The following CFAP47 variants were observed in gnomAD, a reference collection of about 807,000 sequenced individuals.
CFAP47 encodes the protein cilia and flagella associated protein 47, also known as cilia- and flagella-associated protein 47.
In CFAP47, 29 loss-of-function variants were observed where a neutral mutation model predicts 148.1. That is an observed-to-expected ratio of 0.20 (90% CI 0.15 to 0.27). CFAP47 has a LOEUF of 0.27. CFAP47 is among the 10% of genes least tolerant of loss of function. The probability of loss-of-function intolerance (pLI) is 1.00; values close to 1 mark genes in which losing one functional copy is unlikely to be tolerated. For missense variants in CFAP47, 1,872 were observed against 1,697.5 expected, an observed-to-expected ratio of 1.10 and a Z score of -1.81; for synonymous variants, 664 against 577.3, an observed-to-expected ratio of 1.15 and a Z score of -2.15.
intron 62 of CFAP47, among the ~76,000 whole-genome samples, chrX:36,371,405 G>A (rs149750650): frequency 9.2e-6 from 1 of 108,361 alleles, no homozygotes. Context: ...AGTCATTTGG[G>A]ATCATGCTAC....
intron 5 of CFAP47, 103 bp from the exon 6 acceptor site, chrX:35,951,700 C>G (rs1009704481): frequency 2.4e-6 from 2 of 847,929 alleles, no homozygotes; most frequent in African/African-American, 4.2e-5. Context: ...TAGATATTTG[C>G]TATTTCCTAG....
chrX:36,240,425 A>G (rs1940527824), intron 48 of CFAP47, among the ~76,000 whole-genome samples: 1 of 92,864 alleles, frequency 1.1e-5, no homozygotes, highest in Non-Finnish European at 2.3e-5. Flanking sequence ...TAAATATATC[A>G]TATAAATATA....
chrX:36,250,894 C>A (rs972737361), intron 48 of CFAP47, among the ~76,000 whole-genome samples: 1 of 110,441 alleles, frequency 9.1e-6, no homozygotes, highest in East Asian at 2.8e-4. Flanking sequence ...TGGGTTTAGC[C>A]AGGGTGTGGT....
intron 45 of CFAP47, among the ~76,000 whole-genome samples, chrX:36,223,789 A>G (rs1229167431): frequency 9.0e-6 from 1 of 111,450 alleles, no homozygotes; most frequent in Non-Finnish European, 1.9e-5. Flanking sequence ...TGTTAATTCA[A>G]TTTTAAATAT....
At position 36,340,250 on chromosome X, in the gene CFAP47, T is replaced by C. The variant is rs909487544; in HGVS notation, c.8444-7879T>C. ...GAGCAACCAAATGGCAGTCAGATGA[T>C]GTTTTTCTATCTGCTCTATGTTTTG... On this transcript the variant is annotated intron_variant, in intron 57 of 63. Coordinates refer to ENST00000378653, the MANE Select transcript of CFAP47 (RefSeq NM_001304548.2). Among the ~76,000 whole-genome samples, 8 of 111,875 alleles carry C rather than the reference T, an allele frequency of 7.2e-5. No individual in the cohort carries two copies. In the Admixed American group the frequency reaches 7.6e-4, roughly 11 times the overall value.
At chrX:36,047,654 T>C (rs1254674945) in intron 26 of CFAP47, among the ~76,000 whole-genome samples, 1 of 111,618 alleles carries the variant, frequency 9.0e-6, no homozygotes, top group African/African-American at 3.3e-5. Context: ...TGTAGAGCTA[T>C]AAAGTTTGTT....
intron 19 of CFAP47, among the ~76,000 whole-genome samples, chrX:35,999,899 G>A: frequency 8.9e-6 from 1 of 112,059 alleles, no homozygotes; most frequent in South Asian, 3.7e-4. Context: ...ACATGGTCCT[G>A]TAGATTGTGA....
At position 36,231,496 on chromosome X, in the gene CFAP47, C is replaced by T. The variant is rs1291180007; in HGVS notation, c.7014+2672C>T. Among the ~76,000 whole-genome samples, 18 of 110,506 alleles carry T rather than the reference C, an allele frequency of 1.6e-4. No homozygotes were observed. In the Admixed American group the frequency reaches 1.7e-3, roughly 11 times the overall value. ...AGACTTTGCTGAAGTTGCTTATCAG[C>T]TTAAGGAGATTTTGGGCCGAGACAA... On this transcript the variant is annotated intron_variant, in intron 46 of 63. Coordinates refer to ENST00000378653, the MANE Select transcript of CFAP47 (RefSeq NM_001304548.2).
chrX:36,146,940 C>G (rs930482963), intron 36 of CFAP47, among the ~76,000 whole-genome samples: 14 of 110,608 alleles, frequency 1.3e-4, no homozygotes, highest in Admixed American at 3.8e-4. Context: ...TGCCACCATG[C>G]CCAGCTAATT....
intron 33 of CFAP47, among the ~76,000 whole-genome samples, chrX:36,126,085 T>A (rs1163416219): frequency 9.1e-6 from 1 of 109,340 alleles, no homozygotes; most frequent in Non-Finnish European, 1.9e-5. Flanking sequence ...AAAATTATTA[T>A]TATTATTATT....
At position 36,361,439 on chromosome X, in the gene CFAP47, T is replaced by C; in HGVS notation, c.8961T>C (p.Asp2987=). ...VALYMIEKSY[D]IMAKRITFIF... ...TATATATGATTGAAAAATCTTATGA[T>C]ATTATGGCTAAAAGGATAACATTTA... The change falls in exon 61 of 64, where the codon GAT becomes GAC. Residue 2987 remains aspartate, a synonymous_variant. Transcript: ENST00000378653. 9.2e-7 allele frequency: 1 copy of C among 1,088,666 alleles called. No homozygotes were observed. 89.7% of individuals were successfully genotyped at this position (1,088,666 alleles called of 1,213,427 possible).
At chrX:36,042,929 A>G (rs757248925) in intron 25 of CFAP47, among the ~76,000 whole-genome samples, 3 of 111,903 alleles carry the variant, frequency 2.7e-5, no homozygotes, top group Non-Finnish European at 5.6e-5. Flanking sequence ...CACCAATATG[A>G]TAGTGGTACA....
At chrX:36,028,521 T>A (rs905236281) in intron 22 of CFAP47, among the ~76,000 whole-genome samples, 2 of 111,524 alleles carry the variant, frequency 1.8e-5, no homozygotes, top group Admixed American at 1.9e-4. Context: ...TTCCCATTTG[T>A]TGTGTCATCT....
chrX:35,944,728 G>A (rs183112988), intron 3 of CFAP47, among the ~76,000 whole-genome samples: 20 of 111,913 alleles, frequency 1.8e-4, no homozygotes, highest in African/African-American at 6.5e-4. Context: ...TATAGACAGT[G>A]TAACCATGTA....
intron 39 of CFAP47, among the ~76,000 whole-genome samples, chrX:36,177,938 C>A (rs1939705400): frequency 9.0e-6 from 1 of 111,533 alleles, no homozygotes; most frequent in Admixed American, 9.6e-5. Context: ...ACTTAGGTGC[C>A]CATCAATGGT....
At chrX:36,174,209 G>T (rs1939632504) in intron 39 of CFAP47, among the ~76,000 whole-genome samples, 2 of 108,996 alleles carry the variant, frequency 1.8e-5, no homozygotes, top group Non-Finnish European at 3.8e-5. Context: ...CATGTGAGAT[G>T]GGTTTCCTGA....
intron 33 of CFAP47, among the ~76,000 whole-genome samples, chrX:36,132,218 A>G (rs1938960974): frequency 9.0e-6 from 1 of 111,360 alleles, no homozygotes; most frequent in Non-Finnish European, 1.9e-5. Context: ...CCTGAATATC[A>G]GAAGTGATGT....
intron 49 of CFAP47, among the ~76,000 whole-genome samples, chrX:36,268,108 C>T (rs188370829): frequency 2.7e-4 from 31 of 113,262 alleles, no homozygotes; most frequent in Admixed American, 1.9e-3. Flanking sequence ...ATGTCACATA[C>T]GGCATTTTCT....
At chrX:36,269,536 G>T (rs1940933622) in intron 49 of CFAP47, among the ~76,000 whole-genome samples, 2 of 112,323 alleles carry the variant, frequency 1.8e-5, no homozygotes, top group Non-Finnish European at 3.8e-5. Context: ...TCTGCACTTT[G>T]TACAATACTT....
Sources: allele counts gnomAD v4.1 joint callset (sites outside exome capture counted in the v4.1 genomes callset), GRCh38; gene constraint gnomAD v4.1.1; transcripts MANE v1.5; gene names NCBI Gene and HGNC (gene_info 2026-07-23, HGNC 2026-07-21).